The following FTCDNL1 variants were observed in gnomAD, a reference collection of about 807,000 sequenced individuals.
The protein encoded by FTCDNL1 is formiminotransferase cyclodeaminase N-terminal like.
FTCDNL1 carries 11 observed loss-of-function variants against 5.9 expected under a neutral mutation model. The observed-to-expected ratio is 1.87, with a 90% CI of 1.18 to 3.10. The LOEUF (loss-of-function observed/expected upper bound fraction) is 3.10. FTCDNL1 is among the 30% of genes most tolerant of loss of function. The pLI is 0.00. For synonymous variants in FTCDNL1, 58 were observed against 24.8 expected (o/e 2.34, Z -3.99); for missense variants, 115 against 65.5 (o/e 1.76, Z -2.61).
rs1001256132 is a variant in FTCDNL1 at position 199,788,419 on chromosome 2, G to A, written c.212-27584C>T. On this transcript the variant is annotated intron_variant, in intron 3 of 3. Transcript: ENST00000416668. ...ATTAAAAGTAAATAATAAAAGGGTC[G>A]CCAAAATGATCTCGACAACTTGGAA... Among the ~76,000 whole-genome samples the A allele has an allele frequency of 5.9e-5, 9 of 152,214 alleles. No individual in the cohort carries two copies. In the South Asian group the frequency reaches 6.2e-4, roughly 11 times the overall value.
chr2:199,731,819 C>T, the FTCDNL1 span, among the ~76,000 whole-genome samples: 24 of 150,420 alleles, frequency 1.6e-4, no homozygotes, highest in African/African-American at 4.7e-4. Context: ...ACCCGGGAGG[C>T]GGAGCTTGCA....
chr2:199,710,447 G>A, the FTCDNL1 span, among the ~76,000 whole-genome samples: 35 of 152,106 alleles, frequency 2.3e-4, no homozygotes, highest in Non-Finnish European at 3.8e-4. Context: ...TCAACTGGTT[G>A]ACAAAAATAT....
chr2:199,669,292 G>C, the FTCDNL1 span, among the ~76,000 whole-genome samples: 1 of 152,104 alleles, frequency 6.6e-6, no homozygotes, highest in African/African-American at 2.4e-5. Context: ...CTGAAATCTG[G>C]AAATCAAAGC....
chr2:199,764,189 G>A (rs1006378987), intron 3 of FTCDNL1, among the ~76,000 whole-genome samples: 1 of 152,164 alleles, frequency 6.6e-6, no homozygotes, highest in Non-Finnish European at 1.5e-5. Context: ...CTGTGCACTA[G>A]ACAATCTCCA....
At chr2:199,708,458 C>G in the FTCDNL1 span, among the ~76,000 whole-genome samples, 1 of 152,072 alleles carries the variant, frequency 6.6e-6, no homozygotes, top group Admixed American at 6.6e-5. Context: ...TTTATTAATA[C>G]TAGACATTGT....
At chr2:199,845,481 G>A (rs2076706412) in intron 3 of FTCDNL1, among the ~76,000 whole-genome samples, 1 of 152,008 alleles carries the variant, frequency 6.6e-6, no homozygotes, top group Non-Finnish European at 1.5e-5. Context: ...TGAAGCATGG[G>A]AATTGCTTGA....
the FTCDNL1 span, among the ~76,000 whole-genome samples, chr2:199,709,676 G>A: frequency 6.6e-6 from 1 of 152,082 alleles, no homozygotes; most frequent in African/African-American, 2.4e-5. Context: ...ACTGGTTTAG[G>A]CAAGACAGAT....
the FTCDNL1 span, among the ~76,000 whole-genome samples, chr2:199,669,788 G>A: frequency 5.3e-5 from 8 of 152,024 alleles, no homozygotes; most frequent in African/African-American, 9.7e-5. Context: ...TCTTACCTCC[G>A]TCCTTGATTT....
the FTCDNL1 span, among the ~76,000 whole-genome samples, chr2:199,673,828 A>G: frequency 6.6e-6 from 1 of 152,206 alleles, no homozygotes; most frequent in Non-Finnish European, 1.5e-5. Context: ...TATGGAAAGT[A>G]TTCCTTAATA....
At chr2:199,762,854 T>C (rs1434621023) in intron 3 of FTCDNL1, among the ~76,000 whole-genome samples, 2 of 152,158 alleles carry the variant, frequency 1.3e-5, no homozygotes, top group African/African-American at 2.4e-5. Flanking sequence ...TGAGATAAGG[T>C]AATAGCATCC....
chr2:199,815,746 A>T (rs2106479064), intron 4 of FTCDNL1, among the ~76,000 whole-genome samples: 1 of 152,298 alleles, frequency 6.6e-6, no homozygotes, highest in African/African-American at 2.4e-5. Context: ...TCATGCCTGT[A>T]ATCCCAGCAC....
the FTCDNL1 span, among the ~76,000 whole-genome samples, chr2:199,707,909 GT>G: frequency 6.6e-6 from 1 of 151,938 alleles, no homozygotes; most frequent in East Asian, 1.9e-4. Flanking sequence ...TGATTCTGAT[GT>G]GTCTTGATGT....
rs545770563 is a variant in FTCDNL1 at position 199,840,317 on chromosome 2, G to A, written c.211+5758C>T. ...AACTCCAGCAAAAGTATAAAGTTAT[G>A]CAGAAAAGGTAAAATAATAATAATG... On this transcript the variant is annotated intron_variant, in intron 3 of 4. Transcript: ENST00000420128. Among the ~76,000 whole-genome samples the A allele has an allele frequency of 9.8e-5, 15 of 152,326 alleles. No homozygotes were observed. In the South Asian group the frequency reaches 3.1e-3, roughly 32 times the overall value.
At chr2:199,765,975 C>T (rs1698518198) in intron 3 of FTCDNL1, among the ~76,000 whole-genome samples, 1 of 152,130 alleles carries the variant, frequency 6.6e-6, no homozygotes, top group Non-Finnish European at 1.5e-5. Flanking sequence ...GGTCCACACA[C>T]ATAGGCACAC....
intron 2 of FTCDNL1, among the ~76,000 whole-genome samples, chr2:199,847,812 G>A (rs1055728781): frequency 6.6e-6 from 1 of 152,172 alleles, no homozygotes; most frequent in Non-Finnish European, 1.5e-5. Flanking sequence ...GCCCGAGCTG[G>A]CTCTTTCCAC....
chr2:199,842,925 G>A (rs1349432331), intron 3 of FTCDNL1, among the ~76,000 whole-genome samples: 2 of 144,014 alleles, frequency 1.4e-5, no homozygotes, highest in Non-Finnish European at 3.0e-5. Context: ...AAGAATGCCT[G>A]AGCATGCTGT....
At chr2:199,824,291 T>G (rs933464598) in intron 3 of FTCDNL1, among the ~76,000 whole-genome samples, 5 of 152,216 alleles carry the variant, frequency 3.3e-5, no homozygotes, top group African/African-American at 1.2e-4. Context: ...CATTGTCAGC[T>G]CTCTCACCCT....
the FTCDNL1 span, among the ~76,000 whole-genome samples, chr2:199,752,173 G>T: frequency 1.3e-5 from 2 of 152,114 alleles, no homozygotes; most frequent in Non-Finnish European, 2.9e-5. Context: ...CTTCAAGGAT[G>T]CCTCGACTTC....
the FTCDNL1 span, among the ~76,000 whole-genome samples, chr2:199,701,572 TG>T: frequency 6.6e-6 from 1 of 152,138 alleles, no homozygotes; most frequent in Admixed American, 6.5e-5. Flanking sequence ...TGTCCATCAA[TG>T]GTGGACTGGA....
Sources: gnomAD v4.1 joint callset for allele counts (sites outside exome capture counted in the v4.1 genomes callset) on GRCh38, gnomAD v4.1.1 for gene constraint, MANE v1.5 for transcripts, NCBI Gene and HGNC (gene_info 2026-07-23, HGNC 2026-07-21) for gene names.